The following WDR43 variants were observed in gnomAD, a reference collection of about 807,000 sequenced individuals.
WDR43 encodes the protein WD repeat-containing protein 43.
In WDR43, 13 loss-of-function variants were observed where a neutral mutation model predicts 91.4. The observed-to-expected ratio is 0.14, with a 90% CI of 0.09 to 0.23. The LOEUF is 0.23. WDR43 is among the 10% of genes least tolerant of loss of function. The probability of loss-of-function intolerance (pLI) is 1.00; values close to 1 mark genes in which losing one functional copy is unlikely to be tolerated. For missense variants in WDR43, 780 were observed against 809.4 expected (o/e 0.96, Z 0.44); for synonymous variants, 331 against 287.9 (o/e 1.15, Z -1.51).
chr2:28,928,943 G>A (rs770264757), intron 10 of WDR43, among the ~76,000 whole-genome samples: 2 of 152,132 alleles, frequency 1.3e-5, no homozygotes, highest in African/African-American at 2.4e-5. Context: ...CCAGAGTGCT[G>A]GGATTACAGG....
chr2:28,924,688 A>T (rs938209517), intron 7 of WDR43, among the ~76,000 whole-genome samples: 1 of 152,116 alleles, frequency 6.6e-6, no homozygotes, highest in Admixed American at 6.6e-5. Flanking sequence ...CAGGACCTGA[A>T]GTACAGGGTG....
chr2:28,937,872 C>G lies in WDR43; in HGVS notation c.1557-59C>G. ...CTTGTCTGTCTGGGTTTTCTAACAG[C>G]TCAGTTGAATTTACTTTTGAATTTG... On this transcript the variant is annotated intron_variant, in intron 13 of 17. Transcript: ENST00000407426. 34 of 1,548,550 alleles carry G rather than the reference C, an allele frequency of 2.2e-5. 1 individual carries two copies. The Middle Eastern group carries it at 5.1e-4, about 23-fold the overall frequency.
At position 28,925,042 on chromosome 2, in the gene WDR43, C is replaced by G; in HGVS notation, c.975C>G (p.Gly325=). 1 of 1,613,864 alleles carries G rather than the reference C, an allele frequency of 6.2e-7. No individual in the cohort carries two copies. The highest frequency in any genetic ancestry group is 8.5e-7 in the Non-Finnish European group (1 of 1,179,860). ...TTCAGATAGCAACACCTGGGAAAGGCAAGAAGTCAACACCAAAACCCATCC... is the reference window on the plus strand; with the variant it reads ...TTCAGATAGCAACACCTGGGAAAGGGAAGAAGTCAACACCAAAACCCATCC... The part of the protein sequence containing the change: ...CTIQIATPGK[G]KKSTPKPIPI... The change falls in exon 8 of 18, where the codon GGC becomes GGG. Residue 325 remains glycine, a synonymous_variant. Coordinates refer to ENST00000407426, the MANE Select transcript of WDR43 (RefSeq NM_015131.3).
intron 10 of WDR43, 128 bp downstream of exon 10, chr2:28,927,828 C>T: frequency 8.3e-7 from 1 of 1,198,346 alleles, no homozygotes; most frequent in Admixed American, 2.7e-5. Flanking sequence ...CTGTTATGCT[C>T]TCTTTTATCT....
chr2:28,918,688 T>A lies in WDR43; in HGVS notation c.849+693T>A, dbSNP rs1052903731. 6.6e-5 allele frequency among the ~76,000 whole-genome samples: 10 copies of A among 152,250 alleles called. No homozygotes were observed. The South Asian group carries it at 1.9e-3, about 28-fold the overall frequency. On this transcript the variant is annotated intron_variant, in intron 6 of 17. Transcript: ENST00000407426. ...CCAGCCTATATATGTATGTATTTTA[T>A]AAGAGTGATGTCCTCTTGTTTGCTG...
At chr2:28,914,949 T>G (rs542623364) in intron 5 of WDR43, among the ~76,000 whole-genome samples, 1 of 152,006 alleles carries the variant, frequency 6.6e-6, no homozygotes, top group South Asian at 2.1e-4. Context: ...AATTTGGTGA[T>G]ACAAAGTCAT....
At chr2:28,927,835 A>G (rs1345150614) in intron 10 of WDR43, 135 bp downstream of exon 10, 5 of 1,153,884 alleles carry the variant, frequency 4.3e-6, no homozygotes, top group Admixed American at 2.8e-5. Context: ...GCTCTCTTTT[A>G]TCTTCACCAT....
intron 1 of WDR43, among the ~76,000 whole-genome samples, chr2:28,898,399 G>A (rs1487622087): frequency 6.6e-6 from 1 of 152,218 alleles, no homozygotes; most frequent in Admixed American, 6.5e-5. Flanking sequence ...TTCCTAAGAA[G>A]TAAAGGTTGC....
At chr2:28,915,916 C>G (rs62132006) in intron 5 of WDR43, among the ~76,000 whole-genome samples, 16 of 152,130 alleles carry the variant, frequency 1.1e-4, no homozygotes, top group Non-Finnish European at 1.3e-4. Flanking sequence ...CAGATCAACT[C>G]TTAATTTTCT....
chr2:28,898,221 A>G (rs73920395), intron 1 of WDR43, among the ~76,000 whole-genome samples: 1,817 of 152,340 alleles, frequency 0.012, 41 homozygotes, highest in African/African-American at 0.042. Context: ...TGTCACTGCA[A>G]TTAAGATGAC....
chr2:28,901,594 C>T (rs932949841), intron 1 of WDR43, among the ~76,000 whole-genome samples: 1 of 152,110 alleles, frequency 6.6e-6, no homozygotes, highest in South Asian at 2.1e-4. Context: ...TATGGACTTA[C>T]GGATTCATAG....
In WDR43 at chr2:28,924,972, C is replaced by T; in HGVS notation, c.915-10C>T. ...AAATTCTTTAATCTCATTTCCCCCTCCATTTCCAGGTACTGCAAAAAGCCT... is the reference window on the plus strand; with the variant it reads ...AAATTCTTTAATCTCATTTCCCCCTTCATTTCCAGGTACTGCAAAAAGCCT... On this transcript the variant is annotated splice_polypyrimidine_tract_variant and intron_variant, in intron 7 of 17. Transcript: ENST00000407426. 6.2e-7 allele frequency: 1 copy of T among 1,603,970 alleles called. No homozygotes were observed. Among genetic ancestry groups the T allele is most frequent in the South Asian group, 1.1e-5 (1 of 89,684 alleles).
chr2:28,946,264 T>G (rs1467621554), intron 16 of WDR43, among the ~76,000 whole-genome samples, 186 bp from the exon 17 acceptor site: 1 of 151,944 alleles, frequency 6.6e-6, no homozygotes, highest in African/African-American at 2.4e-5. Context: ...TGAGCCAAGA[T>G]TGCTCCACTG....
At chr2:28,930,163 G>A (rs575456820) in intron 11 of WDR43, 30 of 469,090 alleles carry the variant, frequency 6.4e-5, no homozygotes, top group Non-Finnish European at 1.2e-4. Flanking sequence ...GGAGGTTTGG[G>A]GGAAAATTCA....
intron 9 of WDR43, 77 bp from the exon 10 acceptor site, chr2:28,927,492 G>C: frequency 6.5e-7 from 1 of 1,530,486 alleles, no homozygotes; most frequent in Non-Finnish European, 8.8e-7. Context: ...CCCTTTAAAA[G>C]CTGTTTTCTC....
At chr2:28,932,438 C>T (rs1402548153) in intron 11 of WDR43, among the ~76,000 whole-genome samples, 3 of 152,190 alleles carry the variant, frequency 2.0e-5, no homozygotes, top group Non-Finnish European at 2.9e-5. Flanking sequence ...GCTGGGATTA[C>T]AGGCGTGAGC....
chr2:28,913,709 T>G (rs1263589318), intron 4 of WDR43: 1 of 527,980 alleles, frequency 1.9e-6, no homozygotes, highest in South Asian at 1.4e-5. Flanking sequence ...TCACTGAGAG[T>G]AAAATGAGGA....
chr2:28,902,184 T>A, intron 2 of WDR43, 60 bp downstream of exon 2: 3 of 1,485,234 alleles, frequency 2.0e-6, no homozygotes, highest in African/African-American at 2.8e-5. Context: ...TATTAGAGAT[T>A]ATTAAAAAAA....
intron 2 of WDR43, among the ~76,000 whole-genome samples, chr2:28,903,655 T>A (rs985665041): frequency 6.6e-6 from 1 of 152,186 alleles, no homozygotes; most frequent in African/African-American, 2.4e-5. Context: ...TCCCCCCTCC[T>A]CCAAGTCGAG....
Sources: gnomAD v4.1 joint callset for allele counts (sites outside exome capture counted in the v4.1 genomes callset) on GRCh38, gnomAD v4.1.1 for gene constraint, MANE v1.5 for transcripts, NCBI Gene and HGNC (gene_info 2026-07-23, HGNC 2026-07-21) for gene names.